Variants in DGKB observed in about 807,000 individuals in gnomAD.
DGKB encodes the protein 90 kDa diacylglycerol kinase.
Under a neutral mutation model 114.3 loss-of-function variants are expected in DGKB, and 67 were observed. That is an observed-to-expected ratio of 0.59 (90% confidence interval 0.48 to 0.72). The LOEUF is 0.72. Ranked by LOEUF, DGKB falls within the 30% of genes least tolerant of loss-of-function variation. The probability of loss-of-function intolerance (pLI) is 0.00; values close to 1 mark genes in which losing one functional copy is unlikely to be tolerated. For missense variants in DGKB, 907 were observed against 975.2 expected, an observed-to-expected ratio of 0.93 and a Z score of 0.93; for synonymous variants, 398 against 323.1, an observed-to-expected ratio of 1.23 and a Z score of -2.49.
intron 23 of DGKB, among the ~76,000 whole-genome samples, chr7:14,238,306 C>G (rs1330528144): frequency 6.6e-6 from 1 of 151,936 alleles, no homozygotes; most frequent in East Asian, 1.9e-4. Context: ...CAGTTTCCCC[C>G]TTCATTCTCT....
intron 21 of DGKB, among the ~76,000 whole-genome samples, chr7:14,353,976 C>T (rs527427396): frequency 6.6e-6 from 1 of 152,208 alleles, no homozygotes; most frequent in South Asian, 2.1e-4. Flanking sequence ...TTTTGGAGTG[C>T]TCCCAATTTG....
intron 1 of DGKB, among the ~76,000 whole-genome samples, chr7:14,945,225 GATA>G (rs1337870471): frequency 1.3e-5 from 2 of 151,714 alleles, no homozygotes; most frequent in East Asian, 1.9e-4. Flanking sequence ...CGCTGAGAAA[GATA>G]ATAATAATGT....
chr7:14,932,166 A>C (rs1165591243), intron 1 of DGKB, among the ~76,000 whole-genome samples: 2 of 152,114 alleles, frequency 1.3e-5, no homozygotes, highest in African/African-American at 4.8e-5. Flanking sequence ...GGACTGTACA[A>C]ATCCCATGTG....
Position 14,145,631 on chromosome 7 carries a change from G to C in DGKB, c.*3500C>G, listed in dbSNP as rs1781399399. The C allele has an allele frequency of 6.6e-6, 1 of 151,910 alleles. No individual in the cohort carries two copies. Among genetic ancestry groups the C allele is most frequent in the Non-Finnish European group, 1.5e-5 (1 of 67,986 alleles). 9.4% of individuals were successfully genotyped at this position (151,910 alleles called of 1,614,324 possible). On this transcript the variant is annotated 3_prime_UTR_variant, in exon 26 of 26. Transcript: ENST00000402815. Reference sequence around the variant, plus strand: ...GTGCCACCATGCCTGGCTAATTTTTGTATTTTTAGTAGAGACGAGGTTTCA... The same window carrying C: ...GTGCCACCATGCCTGGCTAATTTTTCTATTTTTAGTAGAGACGAGGTTTCA...
intron 22 of DGKB, among the ~76,000 whole-genome samples, chr7:14,342,778 A>C (rs1043258801): frequency 8.6e-5 from 13 of 151,900 alleles, no homozygotes; most frequent in African/African-American, 3.1e-4. Flanking sequence ...GGTAAATCTT[A>C]ACTATTATTC....
chr7:14,814,646 A>G (rs1039150727), intron 2 of DGKB, among the ~76,000 whole-genome samples: 2 of 152,180 alleles, frequency 1.3e-5, no homozygotes, highest in African/African-American at 4.8e-5. Context: ...TTCTGGACTC[A>G]TTTCCCACTC....
intron 23 of DGKB, among the ~76,000 whole-genome samples, chr7:14,260,627 T>G (rs1025914637): frequency 3.9e-4 from 60 of 152,178 alleles, no homozygotes; most frequent in Non-Finnish European, 1.6e-4. Flanking sequence ...ATCAGTTAGG[T>G]TAGGAACTTT....
chr7:14,693,044 C>A (rs912886525), intron 9 of DGKB, among the ~76,000 whole-genome samples: 3 of 152,124 alleles, frequency 2.0e-5, no homozygotes, highest in African/African-American at 7.2e-5. Flanking sequence ...TGAGAAATGA[C>A]TTTTAAAAAT....
chr7:14,732,803 C>T (rs1395548203), intron 5 of DGKB, among the ~76,000 whole-genome samples: 1 of 151,924 alleles, frequency 6.6e-6, no homozygotes, highest in Non-Finnish European at 1.5e-5. Context: ...CCTAATAAAT[C>T]TGGCATCTTC....
intron 23 of DGKB, among the ~76,000 whole-genome samples, chr7:14,296,349 G>A (rs1469952625): frequency 6.6e-6 from 1 of 152,002 alleles, no homozygotes; most frequent in Non-Finnish European, 1.5e-5. Context: ...CTTTTTTATG[G>A]CTGCATAGTA....
chr7:14,385,704 G>T (rs1820223874), intron 21 of DGKB, among the ~76,000 whole-genome samples: 1 of 152,140 alleles, frequency 6.6e-6, no homozygotes, highest in African/African-American at 2.4e-5. Flanking sequence ...CAAATAAATT[G>T]CATTGAAGTG....
chr7:14,809,025 G>T (rs10249582), intron 2 of DGKB, among the ~76,000 whole-genome samples: 12,919 of 152,098 alleles, frequency 0.085, 731 homozygotes, highest in East Asian at 0.24. Context: ...TTTAACAGAG[G>T]TTAAAGAGAA....
chr7:14,854,521 T>A (rs574550945), intron 1 of DGKB, among the ~76,000 whole-genome samples: 30 of 152,284 alleles, frequency 2.0e-4, no homozygotes, highest in African/African-American at 6.7e-4. Flanking sequence ...AGGCATTAGA[T>A]TCTCATAAGG....
chr7:14,457,951 G>GTACTTT (rs1282888417), intron 21 of DGKB, among the ~76,000 whole-genome samples: 2 of 152,182 alleles, frequency 1.3e-5, no homozygotes, highest in Non-Finnish European at 2.9e-5. Context: ...TGCTTAATAG[G>GTACTTT]GAAGGACTCA....
intron 23 of DGKB, among the ~76,000 whole-genome samples, chr7:14,314,818 G>A (rs1263909684): frequency 6.6e-6 from 1 of 151,392 alleles, no homozygotes; most frequent in Non-Finnish European, 1.5e-5. Flanking sequence ...GCAACTCCAA[G>A]ACACATAATT....
intron 25 of DGKB, among the ~76,000 whole-genome samples, chr7:14,150,662 A>G (rs1006845855): frequency 2.6e-5 from 4 of 152,066 alleles, no homozygotes; most frequent in African/African-American, 4.8e-5. Flanking sequence ...TATTTTTGTT[A>G]TCTTATGAAC....
rs548762095 is a variant in DGKB at position 14,569,963 on chromosome 7, G to T, written c.1770+4249C>A. Among the ~76,000 whole-genome samples the T allele has an allele frequency of 1.1e-4, 17 of 151,248 alleles. 2 individuals carry two copies. The South Asian group carries it at 3.5e-3, about 31-fold the overall frequency. On this transcript the variant is annotated intron_variant, in intron 20 of 25. Coordinates refer to ENST00000402815, the MANE Select transcript of DGKB (RefSeq NM_001350709.2). ...TTCAATTTTTTTGTTATTGTTTCTG[G>T]AAAGTCATTGATTATTGCTAATATA... is the stretch of plus-strand genomic sequence containing the variant.
rs753386367 is a variant in DGKB at position 14,682,777 on chromosome 7, A to G, written c.894T>C (p.Tyr298=). The change falls in exon 11 of 26, where the codon TAT becomes TAC. Residue 298 remains tyrosine, a synonymous_variant. Transcript: ENST00000402815. The part of the protein sequence containing the change: ...ARAPPSCIKT[Y]VKSKRNTDVM... ...CATCAGTGTTCCTTTTGGACTTCAC[A>G]TAGGTCTTGATGCAAGAGGGAGGTG... 1.2e-6 allele frequency: 2 copies of G among 1,611,140 alleles called. No homozygotes were observed. Among genetic ancestry groups the G allele is most frequent in the Admixed American group, 1.7e-5 (1 of 59,374 alleles).
In DGKB at chr7:14,281,369, G is replaced by C. The variant is rs551584198; in HGVS notation, c.2122+57146C>G. Among the ~76,000 whole-genome samples the C allele has an allele frequency of 7.9e-3, 981 of 124,660 alleles. 16 individuals are homozygous for C. Among genetic ancestry groups the C allele is most frequent in the African/African-American group, 0.027 (933 of 34,472 alleles). 81.8% of individuals were successfully genotyped at this position (124,660 alleles called of 152,430 possible). On this transcript the variant is annotated intron_variant, in intron 23 of 25. Coordinates refer to ENST00000402815, the MANE Select transcript of DGKB (RefSeq NM_001350709.2). ...CACCCAGATTCATAAAGCGAGTCCTGAGTGACCTACAAAGAGACTTAGACT... is the reference window on the plus strand; with the variant it reads ...CACCCAGATTCATAAAGCGAGTCCTCAGTGACCTACAAAGAGACTTAGACT...
Sources: gnomAD v4.1 joint callset for allele counts (sites outside exome capture counted in the v4.1 genomes callset) on GRCh38, gnomAD v4.1.1 for gene constraint, MANE v1.5 for transcripts, NCBI Gene and HGNC (gene_info 2026-07-23, HGNC 2026-07-21) for gene names.